EMC10: variants seen among roughly 807,000 people sequenced by gnomAD.
EMC10 encodes UPF0510 protein INM02.
EMC10 carries 40 observed loss-of-function variants against 32.2 expected under a neutral mutation model. That is an observed-to-expected ratio of 1.24 (90% confidence interval 0.96 to 1.61). The LOEUF (loss-of-function observed/expected upper bound fraction) is 1.61. Among genes scored for constraint, EMC10 ranks in the 40% most tolerant of loss-of-function variants. The probability of loss-of-function intolerance (pLI) is 0.00; values close to 1 mark genes in which losing one functional copy is unlikely to be tolerated. For missense variants in EMC10, 402 were observed against 357.7 expected (o/e 1.12, Z -1.00); for synonymous variants, 178 against 158.4 (o/e 1.12, Z -0.93).
rs947121730 is a variant in EMC10, at chr19:50,484,636, A to G, written c.*2377A>G. On this transcript the variant is annotated 3_prime_UTR_variant, in exon 7 of 7. Transcript: ENST00000334976. ...ACCCACTCACTATTTTATTTTATTG[A>G]CCGGGTTATCCAGGGATGAAGTATG... 1 of 151,810 alleles carries G rather than the reference A, an allele frequency of 6.6e-6. No individual in the cohort carries two copies. Among genetic ancestry groups the G allele is most frequent in the Non-Finnish European group, 1.5e-5 (1 of 67,966 alleles). 9.4% of individuals were successfully genotyped at this position (151,810 alleles called of 1,614,324 possible). A position where few individuals can be genotyped will look rare whatever the true frequency, so the allele number is the denominator to read the frequency against.
rs765816143 is a variant in EMC10, at chr19:50,476,647, G to A, written c.103G>A (p.Gly35Ser). 5 of 1,532,992 alleles carry A rather than the reference G, an allele frequency of 3.3e-6. No individual in the cohort carries two copies. In the African/African-American group the frequency reaches 6.9e-5, roughly 21 times the overall value. The allele number at this position is 1,532,992 out of a possible 1,614,324, so 95.0% of individuals were successfully genotyped here. ...GGGCAGCGGCTGCCGGGCCGGGACT[G>A]GTGCGCGAGGGGTGAGTGCTCTTTA... ...ARGSGCRAGT[G>S]ARGAGAEGRE... Residue 35 changes from glycine (G) to serine (S), a missense_variant, in exon 1 of 7, where the codon GGT (glycine) becomes AGT (serine). Physicochemically the swap from Gly to Ser is moderately conservative, Grantham distance 56. Coordinates refer to ENST00000334976, the MANE Select transcript of EMC10 (RefSeq NM_206538.4).
At position 50,490,578 on chromosome 19, in the gene EMC10, G is replaced by A. The variant is rs1978584108; in HGVS notation, c.*8319G>A. 1 of 152,216 alleles carries A rather than the reference G, an allele frequency of 6.6e-6. No individual in the cohort carries two copies. 9.4% of individuals were successfully genotyped at this position (152,216 alleles called of 1,614,324 possible). On this transcript the variant is annotated 3_prime_UTR_variant, in exon 7 of 7. Coordinates refer to ENST00000334976, the MANE Select transcript of EMC10 (RefSeq NM_206538.4). ...ATGTGGACAGCCTGAGTGACAGGGG[G>A]ACCCAGGGGCCTCACCTGGGCTACC...
Position 50,480,901 on chromosome 19 carries a change from T to A in EMC10, c.602T>A (p.Phe201Tyr), listed in dbSNP as rs756253680. ...TTAPGPETAA[F>Y]IERLEMEQAQ... is the part of the protein sequence containing the mutation. Reference sequence around the variant, plus strand: ...TGCCCCAGCCCTGAGACGGCGGCCTTCATTGAGCGCCTGGAGATGGAACAG... The same window carrying A: ...TGCCCCAGCCCTGAGACGGCGGCCTACATTGAGCGCCTGGAGATGGAACAG... The change falls in exon 6 of 7, where the codon TTC (phenylalanine) becomes TAC (tyrosine). Residue 201 changes from phenylalanine to tyrosine, a missense_variant. Transcript: ENST00000334976. This position sits in a 1 kb window ranked among gnomAD's most constrained non-coding sequence, Gnocchi z 4.4. 1 of 1,609,194 alleles carries A rather than the reference T, an allele frequency of 6.2e-7. No individual in the cohort carries two copies. Among genetic ancestry groups the A allele is most frequent in the Non-Finnish European group, 8.5e-7 (1 of 1,176,572 alleles).
At chr19:50,479,475 C>T (rs1455086899) in intron 3 of EMC10, among the ~76,000 whole-genome samples, 1 of 152,214 alleles carries the variant, frequency 6.6e-6, no homozygotes, top group African/African-American at 2.4e-5. Context: ...GTTGTGGCAG[C>T]CTCAAGGGCC....
chr19:50,482,993 C>T lies in EMC10; in HGVS notation c.*734C>T, dbSNP rs908085739. The stretch of plus-strand genomic sequence containing the variant: ...ACCAACAGTTAGTGGAGTCAAAGCC[C>T]AGACACTGTAAATAGAACCCCCTCC... On this transcript the variant is annotated 3_prime_UTR_variant, in exon 7 of 7. Coordinates refer to ENST00000334976, the MANE Select transcript of EMC10 (RefSeq NM_206538.4). The T allele has an allele frequency of 7.6e-5, 45 of 592,094 alleles. No individual in the cohort carries two copies. Among genetic ancestry groups the T allele is most frequent in the African/African-American group, 6.7e-4 (36 of 53,954 alleles). 36.7% of individuals were successfully genotyped at this position (592,094 alleles called of 1,614,324 possible).
rs2040335712 is a variant in EMC10 at position 50,482,324 on chromosome 19, T to C, written c.*65T>C. The C allele has an allele frequency of 2.8e-6, 2 of 718,568 alleles. No homozygotes were observed. The highest frequency in any genetic ancestry group is 4.8e-6 in the Non-Finnish European group (2 of 417,694). 44.5% of individuals were successfully genotyped at this position (718,568 alleles called of 1,614,324 possible). A position where few individuals can be genotyped will look rare whatever the true frequency, so the allele number is the denominator to read the frequency against. On this transcript the variant is annotated 3_prime_UTR_variant, in exon 7 of 7. Transcript: ENST00000334976. ...GGCCTCCCTTTCTGCTGGAGTCCCC[T>C]GTGTCCTCAGCCATCCCAAGAAGGG... is the stretch of plus-strand genomic sequence containing the variant.
At position 50,487,197 on chromosome 19, in the gene EMC10, G is replaced by A. The variant is rs1483041301; in HGVS notation, c.*4938G>A. ...CACCAATTTTCTCATTTCTGAAATG[G>A]AATTCAGGTGAGGTCCCCTCAGTGC... On this transcript the variant is annotated 3_prime_UTR_variant, in exon 7 of 7. Transcript: ENST00000334976. 6.6e-6 allele frequency: 1 copy of A among 152,204 alleles called. No homozygotes were observed. The highest frequency in any genetic ancestry group is 2.4e-5 in the African/African-American group (1 of 41,446). The allele number at this position is 152,204 out of a possible 1,614,324, so 9.4% of individuals were successfully genotyped here.
intron 3 of EMC10, among the ~76,000 whole-genome samples, chr19:50,479,523 C>CA (rs2122658527): frequency 6.6e-6 from 1 of 152,316 alleles, no homozygotes; most frequent in South Asian, 2.1e-4. Flanking sequence ...AGAGAGGCCC[C>CA]AGGGCTCCAG....
chr19:50,476,873 C>A (rs1014354268), intron 1 of EMC10: 5 of 428,340 alleles, frequency 1.2e-5, no homozygotes, highest in African/African-American at 2.1e-5. Context: ...GCGCACCTGT[C>A]GGAAGGCTCT....
At chr19:50,481,735 C>A in intron 6 of EMC10, 1 of 773,318 alleles carries the variant, frequency 1.3e-6, no homozygotes, top group Non-Finnish European at 2.0e-6. Flanking sequence ...GAACTGAGGC[C>A]CAGAGGCTGA....
chr19:50,481,909 G>A, intron 6 of EMC10: 3 of 1,603,220 alleles, frequency 1.9e-6, no homozygotes, highest in African/African-American at 1.3e-5. Flanking sequence ...CCTGCGTCCT[G>A]CTGCGCCAGG....
rs1360580602 is a variant in EMC10, at chr19:50,480,249, C to T, written c.402+34C>T. 6.4e-7 allele frequency: 1 copy of T among 1,570,964 alleles called. No homozygotes were observed. Among genetic ancestry groups the T allele is most frequent in the Non-Finnish European group, 8.7e-7 (1 of 1,147,296 alleles). On this transcript the variant is annotated intron_variant, in intron 4 of 6. Transcript: ENST00000334976. The surrounding 1 kb of genome is among the most constrained non-coding windows in gnomAD (Gnocchi z 4.4). ...GTGTCGGGGATGAGCCCCCTTCTCC[C>T]TCGTCCTCCTCATCCCCTACCCTGG...
In EMC10 at chr19:50,476,775, A is replaced by C. The variant is rs2040230663; in HGVS notation, c.114+117A>C. The C allele has an allele frequency of 1.0e-5, 7 of 670,736 alleles. No homozygotes were observed. The South Asian group carries it at 1.5e-4, about 14-fold the overall frequency. The allele number at this position is 670,736 out of a possible 1,614,324, so 41.5% of individuals were successfully genotyped here. A position where few individuals can be genotyped will look rare whatever the true frequency, so the allele number is the denominator to read the frequency against. On this transcript the variant is annotated intron_variant, in intron 1 of 6. Transcript: ENST00000334976. Reference sequence around the variant, plus strand: ...GCAGGGCTGAGAGGGAAGAGGTGGGAGATCCCTGGAAAGCCAGGCCTCAGT... The same window carrying C: ...GCAGGGCTGAGAGGGAAGAGGTGGGCGATCCCTGGAAAGCCAGGCCTCAGT...
chr19:50,482,773 C>T lies in EMC10; in HGVS notation c.*514C>T. The T allele has an allele frequency of 4.1e-6, 2 of 490,474 alleles. No individual in the cohort carries two copies. The highest frequency in any genetic ancestry group is 7.2e-6 in the Non-Finnish European group (2 of 279,064). 30.4% of individuals were successfully genotyped at this position (490,474 alleles called of 1,614,324 possible). On this transcript the variant is annotated 3_prime_UTR_variant, in exon 7 of 7. Coordinates refer to ENST00000334976, the MANE Select transcript of EMC10 (RefSeq NM_206538.4). ...GTCCCCTTGAGGGTACCCTGGGTCC[C>T]CTCATCAGGGGCAGAGGCATGAAAG...
chr19:50,481,224 T>C (rs918472316), intron 6 of EMC10: 3 of 465,864 alleles, frequency 6.4e-6, no homozygotes, highest in African/African-American at 4.1e-5. Context: ...CTGAGCTAGG[T>C]TGGAGCCATG....
intron 6 of EMC10, chr19:50,481,611 C>T (rs928191967): frequency 4.5e-5 from 24 of 529,908 alleles, no homozygotes; most frequent in Non-Finnish European, 4.0e-5. Flanking sequence ...TCTGTGTGGC[C>T]CGAGGCAGGC....
Position 50,482,881 on chromosome 19 carries a change from GT to G in EMC10, c.*623del. 1.8e-6 allele frequency: 1 copy of G among 545,388 alleles called. No homozygotes were observed. Among genetic ancestry groups the G allele is most frequent in the Non-Finnish European group, 3.2e-6 (1 of 309,812 alleles). The allele number at this position is 545,388 out of a possible 1,614,324, so 33.8% of individuals were successfully genotyped here. A position where few individuals can be genotyped will look rare whatever the true frequency, so the allele number is the denominator to read the frequency against. The stretch of plus-strand genomic sequence containing the variant: ...TCGTGGTTTGACATTTGTCTGCCTG[GT>G]GCAAACAAGGAATCCTTGCCTTTAA... On this transcript the variant is annotated 3_prime_UTR_variant, in exon 7 of 7. Transcript: ENST00000334976.
chr19:50,479,181 C>G, intron 3 of EMC10, 115 bp downstream of exon 3: 1 of 731,036 alleles, frequency 1.4e-6, no homozygotes, highest in Non-Finnish European at 2.3e-6. Flanking sequence ...GGTGGGCTCC[C>G]AGCACCACCT....
chr19:50,484,018 C>CTTTTTTTTTTTTTTTTTTTT lies in EMC10; in HGVS notation c.*1767_*1786dup, dbSNP rs150801533. ...AGGATTCCAGAAATATTTACTAATG[C>CTTTTTTTTTTTTTTTTTTTT]TTTTTTTTTTTTTTTTTTTTTTTTT... On this transcript the variant is annotated 3_prime_UTR_variant, in exon 7 of 7. Transcript: ENST00000334976. 28 of 50,776 alleles carry CTTTTTTTTTTTTTTTTTTTT rather than the reference C, an allele frequency of 5.5e-4. 8 individuals carry two copies. Among genetic ancestry groups the CTTTTTTTTTTTTTTTTTTTT allele is most frequent in the African/African-American group, 1.6e-3 (17 of 10,732 alleles). 3.1% of individuals were successfully genotyped at this position (50,776 alleles called of 1,614,324 possible).
Sources: allele counts gnomAD v4.1 joint callset (sites outside exome capture counted in the v4.1 genomes callset), GRCh38; gene constraint gnomAD v4.1.1; non-coding constraint Gnocchi (gnomAD v3.1); transcripts MANE v1.5; gene names NCBI Gene and HGNC (gene_info 2026-07-23, HGNC 2026-07-21).